ZFP64: variants seen among roughly 807,000 people sequenced by gnomAD.
The protein encoded by ZFP64 is zinc finger protein 64.
In ZFP64, 14 loss-of-function variants were observed where a neutral mutation model predicts 51.6. That is an observed-to-expected ratio of 0.27 (90% CI 0.18 to 0.42). The LOEUF (loss-of-function observed/expected upper bound fraction) is 0.42, where lower values mean the gene tolerates loss of function less well. ZFP64 is among the 10% of genes least tolerant of loss of function. ZFP64 has a pLI of 1.00. For missense variants in ZFP64, 754 were observed against 906.8 expected, an observed-to-expected ratio of 0.83 and a Z score of 2.16; for synonymous variants, 375 against 361.4, an observed-to-expected ratio of 1.04 and a Z score of -0.43.
chr20:52,175,870 G>GGCCC, intron 2 of ZFP64: 1 of 346,464 alleles, frequency 2.9e-6, no homozygotes, highest in Non-Finnish European at 3.4e-6. Context: ...TGCCGCCCCC[G>GGCCC]CCCCCAAAAT....
At chr20:52,114,284 C>T (rs1279456833) in intron 5 of ZFP64, among the ~76,000 whole-genome samples, 1 of 152,226 alleles carries the variant, frequency 6.6e-6, no homozygotes, top group African/African-American at 2.4e-5. Context: ...CATGCCTATG[C>T]TGTATTTGTC....
Position 52,111,011 on chromosome 20 carries a change from G to A in ZFP64, c.764-12424C>T. 3.4e-6 allele frequency: 5 copies of A among 1,473,832 alleles called. No homozygotes were observed. In the East Asian group the frequency reaches 1.1e-4, roughly 33 times the overall value. The allele number at this position is 1,473,832 out of a possible 1,614,324, so 91.3% of individuals were successfully genotyped here. On this transcript the variant is annotated intron_variant, in intron 5 of 8. Coordinates refer to the ZFP64 transcript ENST00000361387. ...ACCTTGTAGAAAGTGACCGTATCCA[G>A]GGGAAGGGCGCGCTTGGTGTGCAGG...
intron 5 of ZFP64, among the ~76,000 whole-genome samples, chr20:52,130,747 CA>C (rs1979684768): frequency 6.6e-6 from 1 of 152,104 alleles, no homozygotes; most frequent in East Asian, 1.9e-4. Context: ...CCACATTACT[CA>C]GATCAGAACA....
intron 7 of ZFP64, among the ~76,000 whole-genome samples, chr20:52,093,641 A>G (rs1425728089): frequency 2.0e-5 from 3 of 152,206 alleles, no homozygotes; most frequent in Non-Finnish European, 2.9e-5. Flanking sequence ...ACCACATTAC[A>G]CTCATTGTAG....
intron 5 of ZFP64, chr20:52,117,647 G>T (rs1489415666): frequency 4.4e-6 from 2 of 456,466 alleles, no homozygotes; most frequent in Admixed American, 4.7e-5. Flanking sequence ...ACACAAAAAA[G>T]AAGATTCCCA....
Position 52,153,284 on chromosome 20 carries a change from T to G in ZFP64, c.908A>C (p.Lys303Thr). ...GCTGTGCTTGATACGGATGTGCGAC[T>G]TGAGGTTCCCCTTCATGGTGCAGCG... ...NVRCTMKGNL[K>T]SHIRIKHSGN... Residue 303 changes from lysine to threonine, a missense_variant, in exon 6 of 6, where the codon AAG (lysine) becomes ACG (threonine). Physicochemically the swap from Lys to Thr is moderately conservative, Grantham distance 78. Coordinates refer to ENST00000216923, the MANE Select transcript of ZFP64 (RefSeq NM_018197.3). This position sits in a 1 kb window ranked among gnomAD's most constrained non-coding sequence, Gnocchi z 5.1. The G allele has an allele frequency of 6.2e-7, 1 of 1,614,212 alleles. No individual in the cohort carries two copies. The highest frequency in any genetic ancestry group is 8.5e-7 in the Non-Finnish European group (1 of 1,180,046).
At chr20:52,115,341 T>A (rs1157209539) in intron 5 of ZFP64, among the ~76,000 whole-genome samples, 1 of 151,882 alleles carries the variant, frequency 6.6e-6, no homozygotes, top group African/African-American at 2.4e-5. Context: ...ATATACATAT[T>A]TTCAATGGTG....
intron 2 of ZFP64, among the ~76,000 whole-genome samples, chr20:52,184,506 AT>A (rs1266689225): frequency 3.9e-5 from 6 of 152,044 alleles, no homozygotes; most frequent in African/African-American, 1.2e-4. Context: ...AGGCATATGT[AT>A]TTTTTTTATA....
At chr20:52,166,143 C>G in intron 2 of ZFP64, 118 bp from the exon 3 acceptor site, 1 of 1,009,148 alleles carries the variant, frequency 9.9e-7, no homozygotes, top group South Asian at 1.8e-5. Flanking sequence ...GCCTCCCTTG[C>G]GGCTTCACAG....
At chr20:52,127,249 C>T (rs1261106945) in intron 5 of ZFP64, among the ~76,000 whole-genome samples, 3 of 151,138 alleles carry the variant, frequency 2.0e-5, no homozygotes, top group Non-Finnish European at 4.4e-5. Flanking sequence ...CACGCCTGGC[C>T]CAGAATTTTT....
intron 6 of ZFP64, among the ~76,000 whole-genome samples, chr20:52,098,195 C>T (rs957815479): frequency 1.3e-5 from 2 of 148,832 alleles, no homozygotes; most frequent in Non-Finnish European, 3.0e-5. Context: ...AAAAAGAGTC[C>T]ATATATGTAT....
intron 5 of ZFP64, among the ~76,000 whole-genome samples, chr20:52,114,083 A>G (rs1600720099): frequency 6.6e-6 from 1 of 152,196 alleles, no homozygotes; most frequent in Admixed American, 6.5e-5. Context: ...TGTTTGAAGC[A>G]AACTAAGGAG....
chr20:52,089,622 T>G (rs1480604375), intron 7 of ZFP64, among the ~76,000 whole-genome samples: 2 of 151,902 alleles, frequency 1.3e-5, no homozygotes, highest in Non-Finnish European at 2.9e-5. Flanking sequence ...TGCATGCCTG[T>G]AGTTCCAGCT....
chr20:52,148,536 A>G (rs930641667), downstream of ZFP64, among the ~76,000 whole-genome samples: 2 of 152,150 alleles, frequency 1.3e-5, no homozygotes, highest in African/African-American at 4.8e-5. Flanking sequence ...TCTCGTCTCT[A>G]CTAAAAATAC....
intron 5 of ZFP64, among the ~76,000 whole-genome samples, chr20:52,116,526 A>G (rs1468611352): frequency 2.0e-5 from 3 of 151,812 alleles, no homozygotes; most frequent in Non-Finnish European, 4.4e-5. Flanking sequence ...ATAAATAATG[A>G]TATACTTTCA....
At chr20:52,111,096 G>GGA in intron 5 of ZFP64, 1 of 955,194 alleles carries the variant, frequency 1.0e-6, no homozygotes, top group Admixed American at 1.9e-5. Context: ...GAAGCGGCAG[G>GGA]GAGAGAGACG....
At chr20:52,173,540 A>C (rs1023601096) in intron 2 of ZFP64, among the ~76,000 whole-genome samples, 2 of 152,172 alleles carry the variant, frequency 1.3e-5, no homozygotes, top group Non-Finnish European at 2.9e-5. Context: ...GTGAGCTATG[A>C]TTGCACCACT....
chr20:52,152,626 G>A lies in ZFP64; in HGVS notation c.1566C>T (p.Val522=), dbSNP rs1471040251. 6.5e-7 allele frequency: 1 copy of A among 1,534,566 alleles called. No homozygotes were observed. Among genetic ancestry groups the A allele is most frequent in the East Asian group, 2.3e-5 (1 of 44,310 alleles). Residue 522 remains valine, a synonymous_variant, in exon 6 of 6, where the codon GTC becomes GTT. Transcript: ENST00000216923. ...VQAAAAAVNI[V]PPALVAQNPE... is the part of the protein sequence containing the mutation. ...GGTTCTGGGCCACCAAGGCAGGCGG[G>A]ACGATGTTCACTGCAGCGGCGGCAG...
At chr20:52,155,269 C>A (rs1981217932) in intron 5 of ZFP64, among the ~76,000 whole-genome samples, 1 of 152,194 alleles carries the variant, frequency 6.6e-6, no homozygotes. Context: ...CTGGCGACAA[C>A]TTTACATGCA....
Sources: gnomAD v4.1 joint callset for allele counts (sites outside exome capture counted in the v4.1 genomes callset) on GRCh38, gnomAD v4.1.1 for gene constraint, Gnocchi (gnomAD v3.1) non-coding constraint, MANE v1.5 for transcripts, NCBI Gene and HGNC (gene_info 2026-07-23, HGNC 2026-07-21) for gene names.